The following UBE2W variants were observed in gnomAD, a reference collection of about 807,000 sequenced individuals.
UBE2W encodes ubiquitin-conjugating enzyme E2 W.
Under a neutral mutation model 27.2 loss-of-function variants are expected in UBE2W, and 18 were observed. The observed-to-expected ratio is 0.66, with a 90% CI of 0.46 to 0.98. The LOEUF is 0.98. Among genes scored for constraint, UBE2W ranks in the 50% least tolerant of loss-of-function variants. The probability of loss-of-function intolerance (pLI) is 0.00; values close to 1 mark genes in which losing one functional copy is unlikely to be tolerated. For missense variants in UBE2W, 90 were observed against 180.2 expected, an observed-to-expected ratio of 0.50 and a Z score of 2.87; for synonymous variants, 53 against 57.2, an observed-to-expected ratio of 0.93 and a Z score of 0.33.
chr8:73,842,734 G>A lies in UBE2W; in HGVS notation c.16-12262C>T, dbSNP rs574225227. On this transcript the variant is annotated intron_variant, in intron 1 of 5. Coordinates refer to ENST00000602593, the MANE Select transcript of UBE2W (RefSeq NM_018299.6). ...AACACATTCAATTATTTTGTACTTGGAAATGGCAGTGGAGAAAGAGGACAT... is the reference window on the plus strand; with the variant it reads ...AACACATTCAATTATTTTGTACTTGAAAATGGCAGTGGAGAAAGAGGACAT... Among the ~76,000 whole-genome samples, 4 of 152,138 alleles carry A rather than the reference G, an allele frequency of 2.6e-5. No homozygotes were observed. In the South Asian group the frequency reaches 6.2e-4, roughly 24 times the overall value.
chr8:73,863,412 A>G (rs1371351985), intron 1 of UBE2W, among the ~76,000 whole-genome samples: 2 of 137,300 alleles, frequency 1.5e-5, no homozygotes, highest in Non-Finnish European at 3.1e-5. Flanking sequence ...GGAGTATCAC[A>G]CTCTGGGGAC....
chr8:73,876,478 C>T (rs1812226008), intron 1 of UBE2W, among the ~76,000 whole-genome samples: 1 of 152,008 alleles, frequency 6.6e-6, no homozygotes, highest in Non-Finnish European at 1.5e-5. Context: ...AAGGGAAAGA[C>T]TTTTCAATAA....
chr8:73,799,639 C>T (rs977714819), intron 5 of UBE2W, among the ~76,000 whole-genome samples: 4 of 152,196 alleles, frequency 2.6e-5, no homozygotes, highest in African/African-American at 9.6e-5. Context: ...ATCTGACAAA[C>T]ACTGACTCAC....
chr8:73,868,122 G>T (rs1811855850), intron 1 of UBE2W, among the ~76,000 whole-genome samples: 1 of 152,234 alleles, frequency 6.6e-6, no homozygotes, highest in South Asian at 2.1e-4. Flanking sequence ...GAGAGCCTCA[G>T]AAGGGAGACT....
At chr8:73,781,674 G>C (rs1244689455), downstream of UBE2W, among the ~76,000 whole-genome samples, 1 of 150,908 alleles carries the variant, frequency 6.6e-6, no homozygotes, top group Non-Finnish European at 1.5e-5. Flanking sequence ...ATCCAGGCAG[G>C]AGTGCAGCGA....
rs1808310873 is a variant in UBE2W, at chr8:73,794,062, A to C, written c.*40T>G. Reference sequence around the variant, plus strand: ...GAATGATCAAAGTGCTCATTTTCTCAGTAGGACTATCTTCTGCTAGGAGGA... The same window carrying C: ...GAATGATCAAAGTGCTCATTTTCTCCGTAGGACTATCTTCTGCTAGGAGGA... On this transcript the variant is annotated 3_prime_UTR_variant, in exon 6 of 6. Transcript: ENST00000602593. 2 of 1,612,750 alleles carry C rather than the reference A, an allele frequency of 1.2e-6. No individual in the cohort carries two copies. Among genetic ancestry groups the C allele is most frequent in the Admixed American group, 1.7e-5 (1 of 59,808 alleles).
Position 73,792,610 on chromosome 8 carries a change from T to G in UBE2W, c.*1492A>C, listed in dbSNP as rs1808250926. ...TTTAAGCCCAAATTGATTCATATAT[T>G]CACTGCAGGATATTTCAAAAAGAGT... On this transcript the variant is annotated 3_prime_UTR_variant, in exon 6 of 6. Transcript: ENST00000602593. 1 of 985,590 alleles carries G rather than the reference T, an allele frequency of 1.0e-6. No individual in the cohort carries two copies. Among genetic ancestry groups the G allele is most frequent in the Admixed American group, 6.2e-5 (1 of 16,256 alleles). 61.1% of individuals were successfully genotyped at this position (985,590 alleles called of 1,614,324 possible). A position where few individuals can be genotyped will look rare whatever the true frequency, so the allele number is the denominator to read the frequency against.
chr8:73,816,339 T>C (rs781058234), intron 3 of UBE2W, among the ~76,000 whole-genome samples: 22 of 152,180 alleles, frequency 1.4e-4, no homozygotes, highest in Admixed American at 2.0e-4. Flanking sequence ...TCCAAGACGC[T>C]TGTCAATTTA....
At chr8:73,851,286 A>G (rs1446424104) in intron 1 of UBE2W, among the ~76,000 whole-genome samples, 1 of 151,870 alleles carries the variant, frequency 6.6e-6, no homozygotes, top group African/African-American at 2.4e-5. Context: ...GGTGTTTGTT[A>G]GGAGAAACTT....
Position 73,793,631 on chromosome 8 carries a change from C to A in UBE2W, c.*471G>T. On this transcript the variant is annotated 3_prime_UTR_variant, in exon 6 of 6. Coordinates refer to ENST00000602593, the MANE Select transcript of UBE2W (RefSeq NM_018299.6). ...GGTGACTTTTAAAGTAATGTTGGATCCCTCACTTTATTTATATTCCCACTA... is the reference window on the plus strand; with the variant it reads ...GGTGACTTTTAAAGTAATGTTGGATACCTCACTTTATTTATATTCCCACTA... 1.0e-6 allele frequency: 1 copy of A among 986,448 alleles called. No homozygotes were observed. The highest frequency in any genetic ancestry group is 1.2e-6 in the Non-Finnish European group (1 of 830,494). 61.1% of individuals were successfully genotyped at this position (986,448 alleles called of 1,614,324 possible).
At position 73,790,440 on chromosome 8, in the gene UBE2W, G is replaced by A; in HGVS notation, c.*3662C>T. 1 of 985,164 alleles carries A rather than the reference G, an allele frequency of 1.0e-6. No individual in the cohort carries two copies. The highest frequency in any genetic ancestry group is 1.1e-4 in the East Asian group (1 of 8,812). 61.0% of individuals were successfully genotyped at this position (985,164 alleles called of 1,614,324 possible). ...CAGTATAGTAGCTGATTCTGATAAT[G>A]AATCCTCAGAAAAGAAGAATATGGT... On this transcript the variant is annotated 3_prime_UTR_variant, in exon 6 of 6. Transcript: ENST00000602593.
chr8:73,848,386 G>C lies in UBE2W; in HGVS notation c.16-17914C>G, dbSNP rs996634998. Among the ~76,000 whole-genome samples, 8 of 151,612 alleles carry C rather than the reference G, an allele frequency of 5.3e-5. No homozygotes were observed. The South Asian group carries it at 1.7e-3, about 32-fold the overall frequency. ...CACAAACAGGCAAAAGCAATCTATA[G>C]TATTAGAATCAGAATGTAAGCTGGG... On this transcript the variant is annotated intron_variant, in intron 1 of 5. Transcript: ENST00000602593.
intron 4 of UBE2W, among the ~76,000 whole-genome samples, chr8:73,808,883 C>T (rs7828955): frequency 0.11 from 16,903 of 152,124 alleles, 3,002 homozygotes; most frequent in African/African-American, 0.38. Flanking sequence ...AGGAAGTACA[C>T]AGAATATAGT....
intron 1 of UBE2W, among the ~76,000 whole-genome samples, chr8:73,864,566 C>T (rs76090889): frequency 0.014 from 2,184 of 152,010 alleles, 61 homozygotes; most frequent in African/African-American, 0.05. Flanking sequence ...AACTTGTTTG[C>T]ATTTGTCTAA....
intron 3 of UBE2W, among the ~76,000 whole-genome samples, chr8:73,820,465 C>T (rs566664318): frequency 1.1e-4 from 17 of 152,180 alleles, no homozygotes; most frequent in African/African-American, 3.9e-4. Flanking sequence ...AAGGAATCCT[C>T]ACTGGGCGTG....
rs547434522 is a variant in UBE2W, at chr8:73,788,636, C to T, written c.*5466G>A. 1.0e-6 allele frequency: 1 copy of T among 985,396 alleles called. No homozygotes were observed. Among genetic ancestry groups the T allele is most frequent in the East Asian group, 1.1e-4 (1 of 8,808 alleles). The allele number at this position is 985,396 out of a possible 1,614,324, so 61.0% of individuals were successfully genotyped here. Reference sequence around the variant, plus strand: ...TGTAAGTTTCAGGCTTCAAAAGAGGCAGGATTATTAAATCTTTCCATACAC... The same window carrying T: ...TGTAAGTTTCAGGCTTCAAAAGAGGTAGGATTATTAAATCTTTCCATACAC... On this transcript the variant is annotated 3_prime_UTR_variant, in exon 6 of 6. Coordinates refer to ENST00000602593, the MANE Select transcript of UBE2W (RefSeq NM_018299.6).
In UBE2W at chr8:73,830,351, CAA is replaced by C. The variant is rs1391870415; in HGVS notation, c.107+28_107+29del. ...CATTCATACATTATTGGTAATAAAA[CAA>C]AGAGCCCTTTTAAAATTAAATACTT... On this transcript the variant is annotated intron_variant, in intron 2 of 5. Coordinates refer to ENST00000602593, the MANE Select transcript of UBE2W (RefSeq NM_018299.6). The C allele has an allele frequency of 6.7e-6, 10 of 1,498,452 alleles. No individual in the cohort carries two copies. The African/African-American group carries it at 8.3e-5, about 13-fold the overall frequency. 92.8% of individuals were successfully genotyped at this position (1,498,452 alleles called of 1,614,324 possible). A position where few individuals can be genotyped will look rare whatever the true frequency, so the allele number is the denominator to read the frequency against.
At chr8:73,784,878 C>T (rs1807908424), downstream of UBE2W, among the ~76,000 whole-genome samples, 2 of 152,116 alleles carry the variant, frequency 1.3e-5, no homozygotes, top group Non-Finnish European at 2.9e-5. Context: ...CTATTTCTTC[C>T]CAATTGATAA....
At chr8:73,835,664 T>G (rs1302165191) in intron 1 of UBE2W, among the ~76,000 whole-genome samples, 1 of 152,162 alleles carries the variant, frequency 6.6e-6, no homozygotes, top group Admixed American at 6.5e-5. Flanking sequence ...GAATTGCTTG[T>G]ACCCGGGAGG....
Sources: allele counts gnomAD v4.1 joint callset (sites outside exome capture counted in the v4.1 genomes callset), GRCh38; gene constraint gnomAD v4.1.1; transcripts MANE v1.5; gene names NCBI Gene and HGNC (gene_info 2026-07-23, HGNC 2026-07-21).